The following MPZL1 variants were observed in gnomAD, a reference collection of about 807,000 sequenced individuals.
MPZL1 encodes the protein myelin protein zero like 1.
In MPZL1, 16 loss-of-function variants were observed where a neutral mutation model predicts 29.3. The ratio of observed to expected loss-of-function variants is 0.55; its 90% confidence interval spans 0.37 to 0.83. MPZL1 has a LOEUF of 0.83. Ranked by LOEUF, MPZL1 falls within the 40% of genes least tolerant of loss-of-function variation. The probability of loss-of-function intolerance (pLI) is 0.00; values close to 1 mark genes in which losing one functional copy is unlikely to be tolerated. For missense variants in MPZL1, 279 were observed against 332.9 expected, an observed-to-expected ratio of 0.84 and a Z score of 1.26; for synonymous variants, 143 against 132.0, an observed-to-expected ratio of 1.08 and a Z score of -0.57.
chr1:167,739,288 T>TAC (rs1553254294), intron 1 of MPZL1, among the ~76,000 whole-genome samples: 60 of 108,204 alleles, frequency 5.5e-4, no homozygotes, highest in African/African-American at 1.5e-3. Flanking sequence ...TATACATATA[T>TAC]ATATATATAT....
At chr1:167,754,277 G>A (rs1290705083) in intron 1 of MPZL1, among the ~76,000 whole-genome samples, 1 of 152,164 alleles carries the variant, frequency 6.6e-6, no homozygotes, top group African/African-American at 2.4e-5. Context: ...GGGATTATAG[G>A]CGTGAGCCAC....
chr1:167,750,190 CCTTTT>C (rs374960591), intron 1 of MPZL1, among the ~76,000 whole-genome samples: 423 of 151,324 alleles, frequency 2.8e-3, no homozygotes, highest in South Asian at 0.011. Context: ...TTTTCTTTTT[CCTTTT>C]CTTTTCTTTT....
chr1:167,758,225 T>C (rs780908669), intron 1 of MPZL1, among the ~76,000 whole-genome samples: 5 of 152,110 alleles, frequency 3.3e-5, no homozygotes, highest in Non-Finnish European at 7.4e-5. Flanking sequence ...TAACATGACA[T>C]TGAATTGCTT....
chr1:167,728,030 A>G (rs1660186196), intron 1 of MPZL1, among the ~76,000 whole-genome samples: 1 of 109,504 alleles, frequency 9.1e-6, no homozygotes, highest in Non-Finnish European at 2.0e-5. Context: ...ACCACGCCCA[A>G]CTAATTTTTT....
At chr1:167,783,860 T>C (rs1408297921) in intron 5 of MPZL1, among the ~76,000 whole-genome samples, 1 of 152,002 alleles carries the variant, frequency 6.6e-6, no homozygotes, top group African/African-American at 2.4e-5. Context: ...GTGGAATAAA[T>C]ACTAAAAAAA....
intron 5 of MPZL1, among the ~76,000 whole-genome samples, chr1:167,777,824 G>T (rs898867541): frequency 6.6e-6 from 1 of 152,156 alleles, no homozygotes; most frequent in Non-Finnish European, 1.5e-5. Flanking sequence ...TCTCAAAATG[G>T]TCATACCTAA....
chr1:167,742,209 C>T (rs891115412), intron 1 of MPZL1, among the ~76,000 whole-genome samples: 1 of 151,948 alleles, frequency 6.6e-6, no homozygotes, highest in African/African-American at 2.4e-5. Context: ...AGGAGAATCA[C>T]TTTAACCTGG....
rs535801366 is a variant in MPZL1, at chr1:167,791,344, C to G, written c.*3423C>G. ...TCAGCAACCTACACTGAGAACAATC[C>G]TGTGCCAAGCACTGTGCTAAGCATA... is the stretch of plus-strand genomic sequence containing the variant. On this transcript the variant is annotated 3_prime_UTR_variant, in exon 6 of 6. Coordinates refer to ENST00000359523, the MANE Select transcript of MPZL1 (RefSeq NM_003953.6). 1.3e-5 allele frequency: 2 copies of G among 152,360 alleles called. No homozygotes were observed. The highest frequency in any genetic ancestry group is 3.9e-4 in the East Asian group (2 of 5,190). 9.4% of individuals were successfully genotyped at this position (152,360 alleles called of 1,614,324 possible).
chr1:167,755,399 C>CT (rs1316079689), intron 1 of MPZL1, among the ~76,000 whole-genome samples: 4 of 152,136 alleles, frequency 2.6e-5, no homozygotes, highest in Admixed American at 2.6e-4. Flanking sequence ...GTACAGTGGT[C>CT]TTTTTCCTGA....
At chr1:167,751,013 T>C (rs1458361610) in intron 1 of MPZL1, among the ~76,000 whole-genome samples, 1 of 152,246 alleles carries the variant, frequency 6.6e-6, no homozygotes, top group Non-Finnish European at 1.5e-5. Context: ...GGAAGTAATG[T>C]TCTGTTCTTC....
chr1:167,737,637 A>G (rs575003165), intron 1 of MPZL1, among the ~76,000 whole-genome samples: 47 of 152,312 alleles, frequency 3.1e-4, no homozygotes, highest in African/African-American at 1.0e-3. Flanking sequence ...AATGACCTCA[A>G]TGGCTCTGGC....
At chr1:167,724,614 G>A (rs1470241271) in intron 1 of MPZL1, among the ~76,000 whole-genome samples, 1 of 152,182 alleles carries the variant, frequency 6.6e-6, no homozygotes, top group Non-Finnish European at 1.5e-5. Context: ...TTGGGAAGCT[G>A]GGCATATTTT....
At chr1:167,731,031 G>T (rs1660253491) in intron 1 of MPZL1, among the ~76,000 whole-genome samples, 1 of 152,146 alleles carries the variant, frequency 6.6e-6, no homozygotes, top group Non-Finnish European at 1.5e-5. Flanking sequence ...AAATTTAGAA[G>T]AACTGCAGTG....
At chr1:167,767,792 C>CCT (rs1661148372) in intron 2 of MPZL1, among the ~76,000 whole-genome samples, 3 of 58,108 alleles carry the variant, frequency 5.2e-5, no homozygotes, top group Admixed American at 1.8e-4. Context: ...CCCTTTTCTG[C>CCT]TTTTTTTTTT....
At chr1:167,747,291 G>C (rs1360287846) in intron 1 of MPZL1, among the ~76,000 whole-genome samples, 1 of 152,146 alleles carries the variant, frequency 6.6e-6, no homozygotes, top group African/African-American at 2.4e-5. Flanking sequence ...TGCGATCTCA[G>C]CTCACAGCAG....
chr1:167,763,439 C>A (rs1329324393), intron 1 of MPZL1, among the ~76,000 whole-genome samples: 1 of 151,282 alleles, frequency 6.6e-6, no homozygotes, highest in African/African-American at 2.4e-5. Flanking sequence ...TTGCTTGAAC[C>A]CAGGAGGCGG....
intron 1 of MPZL1, among the ~76,000 whole-genome samples, chr1:167,726,370 C>CG (rs1553253626): frequency 1.3e-5 from 2 of 152,174 alleles, no homozygotes; most frequent in Admixed American, 1.3e-4. Flanking sequence ...TTTTTCTTCT[C>CG]TTTTTTTTCC....
chr1:167,737,469 C>G (rs530117281), intron 1 of MPZL1, among the ~76,000 whole-genome samples: 1 of 152,244 alleles, frequency 6.6e-6, no homozygotes, highest in Admixed American at 6.5e-5. Context: ...TCAATAAGAT[C>G]GTAACGTCAG....
chr1:167,780,845 C>A (rs1448870285), intron 5 of MPZL1, among the ~76,000 whole-genome samples: 1 of 152,124 alleles, frequency 6.6e-6, no homozygotes, highest in Non-Finnish European at 1.5e-5. Flanking sequence ...CTAAGCTGTA[C>A]ACTTTAAAAT....
Sources: allele counts gnomAD v4.1 joint callset (sites outside exome capture counted in the v4.1 genomes callset), GRCh38; gene constraint gnomAD v4.1.1; transcripts MANE v1.5; gene names NCBI Gene and HGNC (gene_info 2026-07-23, HGNC 2026-07-21).